The following MYCN variants were observed in gnomAD, a reference collection of about 807,000 sequenced individuals.
The protein encoded by MYCN is N-myc proto-oncogene protein.
Under a neutral mutation model 28.1 loss-of-function variants are expected in MYCN, and 3 were observed. The observed-to-expected ratio is 0.11, with a 90% CI of 0.05 to 0.28. The LOEUF (loss-of-function observed/expected upper bound fraction) is 0.28. MYCN is among the 10% of genes least tolerant of loss of function. MYCN has a pLI of 1.00. For missense variants in MYCN, 572 were observed against 651.4 expected (o/e 0.88, Z 1.33); for synonymous variants, 326 against 288.3 (o/e 1.13, Z -1.32).
Position 15,945,329 on chromosome 2 carries a change from AAACAAATAC to A in MYCN, c.791-161_791-153del, listed in dbSNP as rs1347509230. Among the ~76,000 whole-genome samples the A allele has an allele frequency of 4.6e-5, 7 of 152,124 alleles. No homozygotes were observed. The highest frequency in any genetic ancestry group is 2.1e-4 in the South Asian group (1 of 4,822). ...GATATATTTAATTTAAAGAGATCTAAAACAAATACAAAACTGTCCACATCTATGTTGATG... is the reference window on the plus strand; with the variant it reads ...GATATATTTAATTTAAAGAGATCTAAAAAACTGTCCACATCTATGTTGATG... On this transcript the variant is annotated intron_variant, in intron 2 of 2. Coordinates refer to ENST00000281043, the MANE Select transcript of MYCN (RefSeq NM_005378.6). This position sits in a 1 kb window ranked among gnomAD's most constrained non-coding sequence, Gnocchi z 4.8.
In MYCN at chr2:15,942,643, C is replaced by T. The variant is rs763123842; in HGVS notation, c.579C>T (p.Phe193=). Residue 193 remains phenylalanine (F), a synonymous_variant, in exon 2 of 3, where the codon TTC becomes TTT. Transcript: ENST00000281043. The surrounding 1 kb of genome is among the most constrained non-coding windows in gnomAD (Gnocchi z 7.0). Reference sequence around the variant, plus strand: ...AGTGCGTGGATCCCGCCGTGGTCTTCCCCTTTCCCGTGAACAAGCGCGAGC... The same window carrying T: ...AGTGCGTGGATCCCGCCGTGGTCTTTCCCTTTCCCGTGAACAAGCGCGAGC... ...AAECVDPAVV[F]PFPVNKREPA... is the part of the protein sequence containing the mutation. 6.4e-5 allele frequency: 74 copies of T among 1,154,978 alleles called. No homozygotes were observed. The highest frequency in any genetic ancestry group is 7.8e-5 in the Non-Finnish European group (73 of 936,156). 71.5% of individuals were successfully genotyped at this position (1,154,978 alleles called of 1,614,324 possible).
rs2103323385 is a variant in MYCN at position 15,942,126 on chromosome 2, T to A, written c.62T>A (p.Phe21Tyr). Residue 21 changes from phenylalanine (F) to tyrosine (Y), a missense_variant, in exon 2 of 3, where the codon TTT (phenylalanine) becomes TAT (tyrosine). Around this residue, in one of 3 missense-constraint regions of MYCN, gnomAD observed 499 missense variants for 524.3 expected, o/e 0.95. Coordinates refer to ENST00000281043, the MANE Select transcript of MYCN (RefSeq NM_005378.6). This position sits in a 1 kb window ranked among gnomAD's most constrained non-coding sequence, Gnocchi z 7.0. Reference protein sequence around the residue: ...GMICKNPDLEFDSLQPCFYPD... With the variant: ...GMICKNPDLEYDSLQPCFYPD... ...ATCTGCAAGAACCCAGACCTCGAGTTTGACTCGCTACAGCCCTGCTTCTAC... is the reference window on the plus strand; with the variant it reads ...ATCTGCAAGAACCCAGACCTCGAGTATGACTCGCTACAGCCCTGCTTCTAC... The A allele has an allele frequency of 6.2e-7, 1 of 1,613,924 alleles. No individual in the cohort carries two copies. The highest frequency in any genetic ancestry group is 1.1e-5 in the South Asian group (1 of 91,086).
chr2:15,941,927 C>T lies in MYCN; in HGVS notation c.-117-21C>T, dbSNP rs1488790084. ...GTCTGCCCCGTTTGCCCACCCTCTCCGGTGTGTCTGTCGGTTGCAGTGTTG... is the reference window on the plus strand; with the variant it reads ...GTCTGCCCCGTTTGCCCACCCTCTCTGGTGTGTCTGTCGGTTGCAGTGTTG... On this transcript the variant is annotated intron_variant, in intron 1 of 2. Transcript: ENST00000281043. This position sits in a 1 kb window ranked among gnomAD's most constrained non-coding sequence, Gnocchi z 4.8. 6 of 1,090,914 alleles carry T rather than the reference C, an allele frequency of 5.5e-6. No homozygotes were observed. The highest frequency in any genetic ancestry group is 3.1e-5 in the African/African-American group (2 of 64,222). 67.6% of individuals were successfully genotyped at this position (1,090,914 alleles called of 1,614,324 possible). A position where few individuals can be genotyped will look rare whatever the true frequency, so the allele number is the denominator to read the frequency against.
In MYCN at chr2:15,945,778, T is replaced by C. The variant is rs776413368; in HGVS notation, c.1076T>C (p.Leu359Pro). ...KIKSEASPRP[L>P]KSVIPPKAKS... ...AAGAGCGAGGCGTCCCCACGTCCGCTCAAGAGTGTCATCCCCCCAAAGGCT... is the reference window on the plus strand; with the variant it reads ...AAGAGCGAGGCGTCCCCACGTCCGCCCAAGAGTGTCATCCCCCCAAAGGCT... The change falls in exon 3 of 3, where the codon CTC becomes CCC. Residue 359 changes from leucine to proline, a missense_variant. Coordinates refer to ENST00000281043, the MANE Select transcript of MYCN (RefSeq NM_005378.6). This position sits in a 1 kb window ranked among gnomAD's most constrained non-coding sequence, Gnocchi z 4.8. 2 of 1,613,974 alleles carry C rather than the reference T, an allele frequency of 1.2e-6. No individual in the cohort carries two copies. Among genetic ancestry groups the C allele is most frequent in the Non-Finnish European group, 1.7e-6 (2 of 1,180,020 alleles).
At chr2:15,944,574 C>T (rs890054514) in intron 2 of MYCN, among the ~76,000 whole-genome samples, 13 of 152,210 alleles carry the variant, frequency 8.5e-5, no homozygotes, top group African/African-American at 3.1e-4. Context: ...TCAAACACAA[C>T]CATGTGTAAA....
chr2:15,946,232 G>A lies in MYCN; in HGVS notation c.*135G>A, dbSNP rs2103332715. On this transcript the variant is annotated 3_prime_UTR_variant, in exon 3 of 3. Coordinates refer to ENST00000281043, the MANE Select transcript of MYCN (RefSeq NM_005378.6). Reference sequence around the variant, plus strand: ...TGTCGAGTTCGGCTCTGGGTGGGCAGTAGGACCACCAGTGTGGGGTTCTGC... The same window carrying A: ...TGTCGAGTTCGGCTCTGGGTGGGCAATAGGACCACCAGTGTGGGGTTCTGC... 7.8e-7 allele frequency: 1 copy of A among 1,274,320 alleles called. No homozygotes were observed. The highest frequency in any genetic ancestry group is 1.1e-6 in the Non-Finnish European group (1 of 899,168). The allele number at this position is 1,274,320 out of a possible 1,614,324, so 78.9% of individuals were successfully genotyped here.
rs751178826 is a variant in MYCN, at chr2:15,940,859, G to C, written c.-118+116G>C. On this transcript the variant is annotated intron_variant, in intron 1 of 2. Transcript: ENST00000281043. ...ACCGGGCGCCCTAATATGCCCGGGG[G>C]ACTGTTTCTGCTTCCGAAACAAAAC... 1.0e-5 allele frequency: 4 copies of C among 397,878 alleles called. No homozygotes were observed. The East Asian group carries it at 1.4e-4, about 14-fold the overall frequency. 24.6% of individuals were successfully genotyped at this position (397,878 alleles called of 1,614,324 possible). A position where few individuals can be genotyped will look rare whatever the true frequency, so the allele number is the denominator to read the frequency against.
In MYCN at chr2:15,945,379, C is replaced by A; in HGVS notation, c.791-114C>A. ...TATGTTGATGGACCCATAAAAATAG[C>A]AGTCTGCCAGGGTCTGCCGGAAGAG... On this transcript the variant is annotated intron_variant, in intron 2 of 2. Transcript: ENST00000281043. The surrounding 1 kb of genome is among the most constrained non-coding windows in gnomAD (Gnocchi z 4.8). 1 of 1,223,718 alleles carries A rather than the reference C, an allele frequency of 8.2e-7. No individual in the cohort carries two copies. Among genetic ancestry groups the A allele is most frequent in the Non-Finnish European group, 1.2e-6 (1 of 853,432 alleles). The allele number at this position is 1,223,718 out of a possible 1,614,324, so 75.8% of individuals were successfully genotyped here. A position where few individuals can be genotyped will look rare whatever the true frequency, so the allele number is the denominator to read the frequency against.
intron 2 of MYCN, among the ~76,000 whole-genome samples, chr2:15,943,686 A>G (rs1662782618): frequency 6.6e-6 from 1 of 152,144 alleles, no homozygotes. Context: ...TTCCAGGCCT[A>G]ATTTGAGATG....
chr2:15,941,036 T>A lies in MYCN; in HGVS notation c.-118+293T>A. ...CGGCTCTAGAAGATCTGTCTGTGTT[T>A]GAGCTGTCGGAGAGCCGGTGCGTCC... On this transcript the variant is annotated intron_variant, in intron 1 of 2. Coordinates refer to ENST00000281043, the MANE Select transcript of MYCN (RefSeq NM_005378.6). The surrounding 1 kb of genome is among the most constrained non-coding windows in gnomAD (Gnocchi z 4.8). 1 of 296,662 alleles carries A rather than the reference T, an allele frequency of 3.4e-6. No homozygotes were observed. The highest frequency in any genetic ancestry group is 6.2e-6 in the Non-Finnish European group (1 of 162,172). The allele number at this position is 296,662 out of a possible 1,614,324, so 18.4% of individuals were successfully genotyped here. A position where few individuals can be genotyped will look rare whatever the true frequency, so the allele number is the denominator to read the frequency against.
rs113994115 is a variant in MYCN, at chr2:15,942,281, G to A, written c.217G>A (p.Glu73Lys). ...CCGTGGCTTCGCGGAGCACAGCTCC[G>A]AGCCCCCGAGCTGGGTCACGGAGAT... ...PSRGFAEHSS[E>K]PPSWVTEMLL... is the part of the protein sequence containing the mutation. Residue 73 changes from glutamate to lysine, a missense_variant, in exon 2 of 3, where the codon GAG (glutamate) becomes AAG (lysine). Glu to Lys is a moderately conservative substitution (Grantham distance 56, BLOSUM62 1). Around this residue, in one of 3 missense-constraint regions of MYCN, gnomAD observed 499 missense variants for 524.3 expected, o/e 0.95. Coordinates refer to ENST00000281043, the MANE Select transcript of MYCN (RefSeq NM_005378.6). This position sits in a 1 kb window ranked among gnomAD's most constrained non-coding sequence, Gnocchi z 7.0. 2 of 1,610,988 alleles carry A rather than the reference G, an allele frequency of 1.2e-6. No individual in the cohort carries two copies. The highest frequency in any genetic ancestry group is 1.3e-5 in the African/African-American group (1 of 74,890).
chr2:15,940,714 C>A lies in MYCN; in HGVS notation c.-147C>A. 1.1e-5 allele frequency: 2 copies of A among 176,804 alleles called. No homozygotes were observed. The highest frequency in any genetic ancestry group is 1.3e-4 in the East Asian group (1 of 7,486). The allele number at this position is 176,804 out of a possible 1,614,324, so 11.0% of individuals were successfully genotyped here. On this transcript the variant is annotated 5_prime_UTR_variant, in exon 1 of 3. The change creates a premature stop within an existing upstream ORF in the 5' untranslated region. Transcript: ENST00000281043. The stretch of plus-strand genomic sequence containing the variant: ...CCACCCGGAGACACCCGCGCAGAAT[C>A]GCCTCCGGATCCCCTGCAGTCGGCG...
chr2:15,945,000 G>GTTTTGT (rs201811535), intron 2 of MYCN, among the ~76,000 whole-genome samples: 56,290 of 150,908 alleles, frequency 0.37, 11,704 homozygotes, highest in East Asian at 0.75. Context: ...ATGGGGGGTT[G>GTTTTGT]TTTTGTTTTT....
Position 15,941,070 on chromosome 2 carries a change from G to A in MYCN, c.-118+327G>A, listed in dbSNP as rs923442464. 1 of 232,146 alleles carries A rather than the reference G, an allele frequency of 4.3e-6. No homozygotes were observed. Among genetic ancestry groups the A allele is most frequent in the African/African-American group, 2.2e-5 (1 of 44,496 alleles). The allele number at this position is 232,146 out of a possible 1,614,324, so 14.4% of individuals were successfully genotyped here. On this transcript the variant is annotated intron_variant, in intron 1 of 2. Coordinates refer to ENST00000281043, the MANE Select transcript of MYCN (RefSeq NM_005378.6). The surrounding 1 kb of genome is among the most constrained non-coding windows in gnomAD (Gnocchi z 4.8). Reference sequence around the variant, plus strand: ...GGAGAGCCGGTGCGTCCCCACCCCAGGCTGGGGTTCTTCTCCAAAGGGTGC... The same window carrying A: ...GGAGAGCCGGTGCGTCCCCACCCCAAGCTGGGGTTCTTCTCCAAAGGGTGC...
rs1412523413 is a variant in MYCN, at chr2:15,945,066, C to T, written c.791-427C>T. 6.6e-6 allele frequency among the ~76,000 whole-genome samples: 1 copy of T among 152,022 alleles called. No homozygotes were observed. The highest frequency in any genetic ancestry group is 2.4e-5 in the African/African-American group (1 of 41,368). Reference sequence around the variant, plus strand: ...CCAGGCTGGAGTGCAGTGGTATGATCTGGGCTCACTGCAACCTCCGCCTCC... The same window carrying T: ...CCAGGCTGGAGTGCAGTGGTATGATTTGGGCTCACTGCAACCTCCGCCTCC... On this transcript the variant is annotated intron_variant, in intron 2 of 2. Transcript: ENST00000281043. The surrounding 1 kb of genome is among the most constrained non-coding windows in gnomAD (Gnocchi z 4.8).
chr2:15,942,075 G>T lies in MYCN; in HGVS notation c.11G>T (p.Cys4Phe), dbSNP rs756249997. The T allele has an allele frequency of 1.2e-6, 2 of 1,613,744 alleles. No homozygotes were observed. Among genetic ancestry groups the T allele is most frequent in the South Asian group, 2.2e-5 (2 of 91,086 alleles). The change falls in exon 2 of 3, where the codon TGC becomes TTC. Residue 4 changes from cysteine (C) to phenylalanine (F), a missense_variant. Physicochemically the swap from Cys to Phe is radical, Grantham distance 205. Transcript: ENST00000281043. This position sits in a 1 kb window ranked among gnomAD's most constrained non-coding sequence, Gnocchi z 7.0. ...CCGGGAGGCGAGCCGATGCCGAGCT[G>T]CTCCACGTCCACCATGCCGGGCATG... Reference protein sequence around the residue: MPSCSTSTMPGMIC... With the variant: MPSFSTSTMPGMIC...
At chr2:15,943,233 G>A (rs1442067943) in intron 2 of MYCN, among the ~76,000 whole-genome samples, 1 of 152,058 alleles carries the variant, frequency 6.6e-6, no homozygotes, top group African/African-American at 2.4e-5. Context: ...TGCACTGCCT[G>A]GACAGAAACC....
intron 1 of MYCN, 120 bp downstream of exon 1, chr2:15,940,863 G>A (rs976238593): frequency 2.0e-5 from 8 of 397,892 alleles, no homozygotes; most frequent in African/African-American, 4.1e-5. Flanking sequence ...CCGGGGGACT[G>A]TTTCTGCTTC....
Position 15,945,634 on chromosome 2 carries a change from G to C in MYCN, c.932G>C (p.Gly311Ala), listed in dbSNP as rs1572221054. ...VRPKNAALGP[G>A]RAQSSELILK... ...CCCAAGAACGCAGCCCTGGGTCCCG[G>C]GAGGGCTCAGTCCAGCGAGCTGATC... The change falls in exon 3 of 3, where the codon GGG becomes GCG. Residue 311 changes from glycine (G) to alanine (A), a missense_variant. Around this residue, in one of 3 missense-constraint regions of MYCN, gnomAD observed 499 missense variants for 524.3 expected, o/e 0.95. Coordinates refer to ENST00000281043, the MANE Select transcript of MYCN (RefSeq NM_005378.6). The surrounding 1 kb of genome is among the most constrained non-coding windows in gnomAD (Gnocchi z 4.8). 1 of 1,614,124 alleles carries C rather than the reference G, an allele frequency of 6.2e-7. No individual in the cohort carries two copies. The highest frequency in any genetic ancestry group is 8.5e-7 in the Non-Finnish European group (1 of 1,180,030).
Sources: gnomAD v4.1 joint callset for allele counts (sites outside exome capture counted in the v4.1 genomes callset) on GRCh38, gnomAD v4.1.1 for gene constraint, gnomAD v4.1.1 regional missense constraint, Gnocchi (gnomAD v3.1) non-coding constraint, MANE v1.5 for transcripts, NCBI Gene and HGNC (gene_info 2026-07-23, HGNC 2026-07-21) for gene names.